Variants in KIRREL1 observed in about 807,000 individuals in gnomAD.
KIRREL1 encodes the protein kin of IRRE-like protein 1.
KIRREL1 carries 25 observed loss-of-function variants against 83.3 expected under a neutral mutation model. The observed-to-expected ratio is 0.30, with a 90% CI of 0.22 to 0.42. KIRREL1 has a LOEUF of 0.42. Among genes scored for constraint, KIRREL1 ranks in the 10% least tolerant of loss-of-function variants. KIRREL1 has a pLI of 1.00. For missense variants in KIRREL1, 812 were observed against 1,032.3 expected, an observed-to-expected ratio of 0.79 and a Z score of 2.92; for synonymous variants, 388 against 410.4, an observed-to-expected ratio of 0.95 and a Z score of 0.66.
chr1:158,082,857 T>C (rs1479933226), intron 3 of KIRREL1, among the ~76,000 whole-genome samples: 3 of 152,202 alleles, frequency 2.0e-5, no homozygotes, highest in Non-Finnish European at 2.9e-5. Flanking sequence ...TTTCTGATAC[T>C]TGGGAAGCCG....
rs1479737335 is a variant in KIRREL1, at chr1:158,096,540, C to T, written c.*1420C>T. 3 of 456,638 alleles carry T rather than the reference C, an allele frequency of 6.6e-6. No individual in the cohort carries two copies. Among genetic ancestry groups the T allele is most frequent in the South Asian group, 4.6e-5 (3 of 64,532 alleles). 28.3% of individuals were successfully genotyped at this position (456,638 alleles called of 1,614,324 possible). ...TTAGGAGAGAGATGGGTGAGGGGAC[C>T]TGGAGAGGTAAGGGGCCTGGAAATG... is the stretch of plus-strand genomic sequence containing the variant. On this transcript the variant is annotated 3_prime_UTR_variant, in exon 15 of 15. Transcript: ENST00000359209.
chr1:158,010,021 A>T (rs752444775), intron 1 of KIRREL1, among the ~76,000 whole-genome samples: 6 of 152,114 alleles, frequency 3.9e-5, no homozygotes, highest in Non-Finnish European at 8.8e-5. Flanking sequence ...TTACTCAGTG[A>T]CCTGGGCCTA....
At chr1:158,068,588 T>C (rs1047190845) in intron 1 of KIRREL1, among the ~76,000 whole-genome samples, 23 of 152,242 alleles carry the variant, frequency 1.5e-4, no homozygotes, top group African/African-American at 5.5e-4. Flanking sequence ...GTCCTCACCC[T>C]GCCCAGCCCC....
At chr1:158,036,965 G>A (rs1660492000) in intron 1 of KIRREL1, among the ~76,000 whole-genome samples, 1 of 152,214 alleles carries the variant, frequency 6.6e-6, no homozygotes, top group Non-Finnish European at 1.5e-5. Context: ...ACCACCCGGA[G>A]TCTTGGACTT....
chr1:157,996,869 C>G (rs932773165), intron 1 of KIRREL1, among the ~76,000 whole-genome samples: 3 of 152,152 alleles, frequency 2.0e-5, no homozygotes, highest in African/African-American at 7.2e-5. Context: ...AGTGCCTCAG[C>G]CCTGGGCCCC....
intron 11 of KIRREL1, among the ~76,000 whole-genome samples, chr1:158,091,946 G>A (rs989376967): frequency 1.3e-5 from 2 of 152,168 alleles, no homozygotes; most frequent in Non-Finnish European, 2.9e-5. Flanking sequence ...AGAAACTTTC[G>A]GTGTAGTGGA....
Position 158,089,498 on chromosome 1 carries a change from C to G in KIRREL1, c.1045-4C>G. On this transcript the variant is annotated splice_polypyrimidine_tract_variant and splice_region_variant and intron_variant, in intron 8 of 14. Coordinates refer to ENST00000359209, the MANE Select transcript of KIRREL1 (RefSeq NM_018240.7). ...CCCCACCCGAGGCTGCTCTCTCTGCCCAGGTCCTGAGTAACAGCAACCAGC... is the reference window on the plus strand; with the variant it reads ...CCCCACCCGAGGCTGCTCTCTCTGCGCAGGTCCTGAGTAACAGCAACCAGC... 1 of 1,614,122 alleles carries G rather than the reference C, an allele frequency of 6.2e-7. No individual in the cohort carries two copies. Among genetic ancestry groups the G allele is most frequent in the South Asian group, 1.1e-5 (1 of 91,078 alleles).
rs187117680 is a variant in KIRREL1 at position 158,045,981 on chromosome 1, G to T, written c.53-30132G>T. 1.4e-3 allele frequency among the ~76,000 whole-genome samples: 206 copies of T among 152,324 alleles called. 1 individual carries two copies. Among genetic ancestry groups the T allele is most frequent in the African/African-American group, 4.9e-3 (203 of 41,566 alleles). On this transcript the variant is annotated intron_variant, in intron 1 of 14. Coordinates refer to ENST00000359209, the MANE Select transcript of KIRREL1 (RefSeq NM_018240.7). ...GGACCAGAGCCTTGAAGGAATCACAGGACTTAGGCTTTTACTTTGAATGAA... is the reference window on the plus strand; with the variant it reads ...GGACCAGAGCCTTGAAGGAATCACATGACTTAGGCTTTTACTTTGAATGAA...
At chr1:158,083,713 G>C (rs1470511093) in intron 3 of KIRREL1, among the ~76,000 whole-genome samples, 1 of 152,160 alleles carries the variant, frequency 6.6e-6, no homozygotes, top group African/African-American at 2.4e-5. Flanking sequence ...AAGTGCTATG[G>C]AGGTAGCCAC....
intron 2 of KIRREL1, among the ~76,000 whole-genome samples, chr1:158,076,567 GCAGA>G (rs570237749): frequency 3.9e-5 from 6 of 152,306 alleles, no homozygotes; most frequent in Admixed American, 3.9e-4. Context: ...GGAGCTGCAG[GCAGA>G]CAGCTGTCTA....
At chr1:158,060,290 C>T (rs1458734998) in intron 1 of KIRREL1, among the ~76,000 whole-genome samples, 1 of 152,114 alleles carries the variant, frequency 6.6e-6, no homozygotes, top group African/African-American at 2.4e-5. Context: ...TGACCTTTGC[C>T]CCTCCTTCTC....
At chr1:158,019,603 C>T (rs1005873493) in intron 1 of KIRREL1, among the ~76,000 whole-genome samples, 8 of 152,116 alleles carry the variant, frequency 5.3e-5, no homozygotes, top group African/African-American at 1.9e-4. Context: ...GGGCACTTAA[C>T]TTGGGTGGAG....
At chr1:158,010,287 T>G (rs1232730153) in intron 1 of KIRREL1, among the ~76,000 whole-genome samples, 1 of 151,266 alleles carries the variant, frequency 6.6e-6, no homozygotes, top group Non-Finnish European at 1.5e-5. Context: ...TCAGATCTGG[T>G]CTGAACTTGG....
At chr1:158,061,441 G>A (rs954876296) in intron 1 of KIRREL1, among the ~76,000 whole-genome samples, 4 of 152,196 alleles carry the variant, frequency 2.6e-5, no homozygotes, top group African/African-American at 9.6e-5. Flanking sequence ...GGGAAAGGAA[G>A]ACTCAGAGAT....
In KIRREL1 at chr1:158,099,029, G is replaced by A. The variant is rs575881838; in HGVS notation, c.*3909G>A. Reference sequence around the variant, plus strand: ...CCACATTAAAGCCAAGACCCGTTTGGAGCGAACTGCCTTGTTCTTTGCTGT... The same window carrying A: ...CCACATTAAAGCCAAGACCCGTTTGAAGCGAACTGCCTTGTTCTTTGCTGT... On this transcript the variant is annotated 3_prime_UTR_variant, in exon 15 of 15. Transcript: ENST00000359209. The A allele has an allele frequency of 6.6e-6, 1 of 152,224 alleles. No individual in the cohort carries two copies. Among genetic ancestry groups the A allele is most frequent in the African/African-American group, 2.4e-5 (1 of 41,460 alleles). The allele number at this position is 152,224 out of a possible 1,614,324, so 9.4% of individuals were successfully genotyped here. A position where few individuals can be genotyped will look rare whatever the true frequency, so the allele number is the denominator to read the frequency against.
At chr1:158,065,982 CCTT>C (rs757070773) in intron 1 of KIRREL1, among the ~76,000 whole-genome samples, 2 of 152,248 alleles carry the variant, frequency 1.3e-5, no homozygotes, top group East Asian at 3.9e-4. Context: ...AATTTCCCAA[CCTT>C]CTTTTCCATA....
intron 1 of KIRREL1, among the ~76,000 whole-genome samples, chr1:158,044,044 A>G (rs1483770313): frequency 1.3e-5 from 2 of 152,232 alleles, no homozygotes; most frequent in African/African-American, 4.8e-5. Context: ...GGTGTTTTGG[A>G]CATTCATTCA....
At position 158,094,989 on chromosome 1, in the gene KIRREL1, G is replaced by A; in HGVS notation, c.2143G>A (p.Gly715Ser). 1 of 1,614,024 alleles carries A rather than the reference G, an allele frequency of 6.2e-7. No individual in the cohort carries two copies. The highest frequency in any genetic ancestry group is 8.5e-7 in the Non-Finnish European group (1 of 1,179,984). ...GGGCTACCCCCAGGCCCCACCCTCT[G>A]GCCTGGAGCGGACCCCATATGAGGC... is the stretch of plus-strand genomic sequence containing the variant. Reference protein sequence around the residue: ...RLGYPQAPPSGLERTPYEAYD... With the variant: ...RLGYPQAPPSSLERTPYEAYD... Residue 715 changes from glycine to serine, a missense_variant, in exon 15 of 15, where the codon GGC becomes AGC. Gly to Ser is a moderately conservative substitution (Grantham distance 56, BLOSUM62 0). Coordinates refer to ENST00000359209, the MANE Select transcript of KIRREL1 (RefSeq NM_018240.7). The surrounding 1 kb of genome is among the most constrained non-coding windows in gnomAD (Gnocchi z 4.6).
At chr1:158,082,150 A>G (rs1309288946) in intron 3 of KIRREL1, among the ~76,000 whole-genome samples, 1 of 152,194 alleles carries the variant, frequency 6.6e-6, no homozygotes. Context: ...AGGGATTCAG[A>G]GGATAATTAG....
Sources: gnomAD v4.1 joint callset for allele counts (sites outside exome capture counted in the v4.1 genomes callset) on GRCh38, gnomAD v4.1.1 for gene constraint, Gnocchi (gnomAD v3.1) non-coding constraint, MANE v1.5 for transcripts, NCBI Gene and HGNC (gene_info 2026-07-23, HGNC 2026-07-21) for gene names.